Variants in LILRA4 observed in about 807,000 individuals in gnomAD.
The protein encoded by LILRA4 is leukocyte immunoglobulin like receptor A4, also known as leukocyte immunoglobulin-like receptor subfamily A member 4.
Under a neutral mutation model 49.5 loss-of-function variants are expected in LILRA4, and 51 were observed. The ratio of observed to expected loss-of-function variants is 1.03; its 90% CI spans 0.82 to 1.30. The LOEUF (loss-of-function observed/expected upper bound fraction) is 1.30. Among genes scored for constraint, LILRA4 ranks in the 50% most tolerant of loss-of-function variants. The pLI, the probability that LILRA4 is intolerant of heterozygous loss-of-function variation, is 0.00. For synonymous variants in LILRA4, 272 were observed against 265.6 expected, an observed-to-expected ratio of 1.02 and a Z score of -0.23; for missense variants, 624 against 625.6, an observed-to-expected ratio of 1.00 and a Z score of 0.03.
chr19:54,333,536 A>T lies in LILRA4; in HGVS notation c.*36T>A. 6 of 1,601,336 alleles carry T rather than the reference A, an allele frequency of 3.7e-6. No homozygotes were observed. Among genetic ancestry groups the T allele is most frequent in the Non-Finnish European group, 5.1e-6 (6 of 1,170,282 alleles). The stretch of plus-strand genomic sequence containing the variant: ...GATATTCTCAGCAGACACTTCCCCA[A>T]CTGCTGCCCCAGTCTTCCAGAACCT... On this transcript the variant is annotated 3_prime_UTR_variant, in exon 8 of 8. Transcript: ENST00000291759.
Position 54,333,648 on chromosome 19 carries a change from G to T in LILRA4, c.1424C>A (p.Pro475Gln). The part of the protein sequence containing the change: ...FEAQHSQRSP[P>Q]RCSQEANSRK... Reference sequence around the variant, plus strand: ...GCTGTTTGCCTCCTGGCTGCACCTTGGGGGGCTTCTCTGGCTGTGCTGAGC... The same window carrying T: ...GCTGTTTGCCTCCTGGCTGCACCTTTGGGGGCTTCTCTGGCTGTGCTGAGC... The change falls in exon 8 of 8, where the codon CCA (proline) becomes CAA (glutamine). Residue 475 changes from proline to glutamine, a missense_variant. Transcript: ENST00000291759. 5 of 1,614,068 alleles carry T rather than the reference G, an allele frequency of 3.1e-6. No individual in the cohort carries two copies. The highest frequency in any genetic ancestry group is 4.2e-6 in the Non-Finnish European group (5 of 1,180,000).
chr19:54,338,791 AC>A (rs1229179763), intron 2 of LILRA4, 74 bp downstream of exon 2: 2 of 1,603,670 alleles, frequency 1.2e-6, no homozygotes, highest in Non-Finnish European at 8.5e-7. Flanking sequence ...TGCTGTCTTC[AC>A]CCCCAGCTGC....
Position 54,338,259 on chromosome 19 carries a change from C to T in LILRA4, c.356-24G>A, listed in dbSNP as rs758203709. 8.1e-6 allele frequency: 13 copies of T among 1,597,798 alleles called. No individual in the cohort carries two copies. The East Asian group carries it at 1.1e-4, about 14-fold the overall frequency. On this transcript the variant is annotated intron_variant, in intron 3 of 7. Coordinates refer to ENST00000291759, the MANE Select transcript of LILRA4 (RefSeq NM_012276.5). The stretch of plus-strand genomic sequence containing the variant: ...GGCTTTCAAGAGAAAAAAAGGCAGC[C>T]GTGTTTAAATGGGGCTCACACCTCC...
chr19:54,336,979 C>G lies in LILRA4; in HGVS notation c.1117G>C (p.Ala373Pro). ...GGGAATTCAGCCTGGTACTTATGAG[C>G]TCCGTACATTGATCTCAGACGCAAC... is the stretch of plus-strand genomic sequence containing the variant. ...PPLRLRSMYG[A>P]HKYQAEFPMS... The change falls in exon 6 of 8, where the codon GCT becomes CCT. Residue 373 changes from alanine (A) to proline (P), a missense_variant. Physicochemically the swap from Ala to Pro is conservative, Grantham distance 27 (BLOSUM62 -1). Transcript: ENST00000291759. 7.1e-7 allele frequency: 1 copy of G among 1,403,198 alleles called. No homozygotes were observed. The highest frequency in any genetic ancestry group is 9.9e-7 in the Non-Finnish European group (1 of 1,008,224). 86.9% of individuals were successfully genotyped at this position (1,403,198 alleles called of 1,614,324 possible).
At chr19:54,337,337 G>T (rs987042007) in intron 5 of LILRA4, 63 bp downstream of exon 5, 37 of 1,587,054 alleles carry the variant, frequency 2.3e-5, no homozygotes, top group Non-Finnish European at 3.0e-5. Flanking sequence ...CACCACCTGG[G>T]CTCCCCCAGC....
Position 54,337,499 on chromosome 19 carries a change from C to T in LILRA4, c.853G>A (p.Val285Met). Reference protein sequence around the residue: ...LSQANFTLSPVSRSYGGQYRC... With the variant: ...LSQANFTLSPMSRSYGGQYRC... The stretch of plus-strand genomic sequence containing the variant: ...TACTGGCCCCCGTAGGAGCGGCTCA[C>T]AGGGCTCAGGGTGAAGTTGGCCTGG... Residue 285 changes from valine (V) to methionine (M), a missense_variant, in exon 5 of 8, where the codon GTG becomes ATG. By Grantham distance (21) the Val-to-Met change is conservative. Coordinates refer to ENST00000291759, the MANE Select transcript of LILRA4 (RefSeq NM_012276.5). 3 of 1,612,714 alleles carry T rather than the reference C, an allele frequency of 1.9e-6. No individual in the cohort carries two copies. Among genetic ancestry groups the T allele is most frequent in the East Asian group, 2.2e-5 (1 of 44,860 alleles).
chr19:54,333,872 C>A (rs2122174138), intron 7 of LILRA4, 43 bp downstream of exon 7: 1 of 1,611,740 alleles, frequency 6.2e-7, no homozygotes, highest in South Asian at 1.1e-5. Flanking sequence ...AGGACCTGAC[C>A]CTCTGTGCCC....
chr19:54,337,308 C>T (rs1391397605), intron 5 of LILRA4, 92 bp downstream of exon 5: 10 of 1,560,280 alleles, frequency 6.4e-6, no homozygotes, highest in Non-Finnish European at 7.8e-6. Flanking sequence ...TTAGGACCCC[C>T]ACCCCTCATC....
chr19:54,337,480 C>G lies in LILRA4; in HGVS notation c.872G>C (p.Gly291Ala). 6.2e-7 allele frequency: 1 copy of G among 1,612,178 alleles called. No individual in the cohort carries two copies. The highest frequency in any genetic ancestry group is 8.5e-7 in the Non-Finnish European group (1 of 1,179,778). The stretch of plus-strand genomic sequence containing the variant: ...GTGTGCGCCGTAGCATCTGTACTGG[C>G]CCCCGTAGGAGCGGCTCACAGGGCT... The part of the protein sequence containing the change: ...TLSPVSRSYG[G>A]QYRCYGAHNV... Residue 291 changes from glycine (G) to alanine (A), a missense_variant, in exon 5 of 8, where the codon GGC becomes GCC. Transcript: ENST00000291759.
Position 54,338,972 on chromosome 19 carries a change from C to T in LILRA4, c.35-71G>A, listed in dbSNP as rs140673590. On this transcript the variant is annotated intron_variant, in intron 1 of 7. Transcript: ENST00000291759. Reference sequence around the variant, plus strand: ...AGGTCTTCTTCTTTTCCTTGAGCCCCTGGGATGCCCTAATTGACTAAGGCA... The same window carrying T: ...AGGTCTTCTTCTTTTCCTTGAGCCCTTGGGATGCCCTAATTGACTAAGGCA... 1,079 of 1,612,950 alleles carry T rather than the reference C, an allele frequency of 6.7e-4. 4 individuals are homozygous for T. In the African/African-American group the frequency reaches 0.01, roughly 15 times the overall value.
intron 5 of LILRA4, 67 bp downstream of exon 5, chr19:54,337,333 C>T: frequency 6.3e-7 from 1 of 1,586,136 alleles, no homozygotes; most frequent in East Asian, 2.2e-5. Flanking sequence ...CCATCACCAC[C>T]TGGGCTCCCC....
intron 6 of LILRA4, chr19:54,335,223 G>A (rs187970686): frequency 8.5e-4 from 130 of 152,192 alleles, no homozygotes; most frequent in African/African-American, 3.1e-3. Flanking sequence ...AATGTTGGAG[G>A]AGAGGCCCAG....
intron 6 of LILRA4, 100 bp from the exon 7 acceptor site, chr19:54,334,065 G>A (rs565532857): frequency 4.8e-4 from 473 of 985,384 alleles, no homozygotes; most frequent in East Asian, 6.3e-4. Flanking sequence ...GTGACTTTAT[G>A]TAGATCCTTA....
chr19:54,338,127 A>G lies in LILRA4; in HGVS notation c.464T>C (p.Ile155Thr), dbSNP rs2081352411. ...SRLGLGRFTL[I>T]EEGDHRLSWT... ...GGAGAGCCTGTGGTCTCCTTCCTCA[A>G]TCAGAGTGAACCTGCCCAGTCCCAG... Residue 155 changes from isoleucine (I) to threonine (T), a missense_variant, in exon 4 of 8, where the codon ATT becomes ACT. Ile to Thr is a moderately conservative substitution (Grantham distance 89, BLOSUM62 -1). Transcript: ENST00000291759. 2.5e-6 allele frequency: 4 copies of G among 1,613,904 alleles called. No individual in the cohort carries two copies. Among genetic ancestry groups the G allele is most frequent in the Admixed American group, 3.3e-5 (2 of 60,000 alleles).
intron 6 of LILRA4, chr19:54,334,305 T>G: frequency 2.9e-5 from 7 of 239,600 alleles, no homozygotes; most frequent in Non-Finnish European, 5.6e-5. Flanking sequence ...CAACAACTAA[T>G]TCCCCCAGAG....
At chr19:54,334,210 A>T in intron 6 of LILRA4, 1 of 516,524 alleles carries the variant, frequency 1.9e-6, no homozygotes, top group Admixed American at 3.4e-5. Flanking sequence ...GGAGCTCAGG[A>T]TTAGTAAGAA....
In LILRA4 at chr19:54,333,755, G is replaced by A. The variant is rs781090722; in HGVS notation, c.1317C>T (p.Leu439=). The A allele has an allele frequency of 6.2e-7, 1 of 1,614,016 alleles. No homozygotes were observed. Among genetic ancestry groups the A allele is most frequent in the Non-Finnish European group, 8.5e-7 (1 of 1,180,032 alleles). ...KKSDSKTAPH[L]QDYTVENLIR... ...TGAGATTCTCCACTGTGTAATCCTG[G>A]AGGTGTGGGGCTAGGGATGGTGGAC... Residue 439 remains leucine, a synonymous_variant, in exon 8 of 8, where the codon CTC becomes CTT. Transcript: ENST00000291759.
Position 54,337,655 on chromosome 19 carries a change from C to G in LILRA4, c.697G>C (p.Val233Leu). 6.2e-7 allele frequency: 1 copy of G among 1,613,304 alleles called. No individual in the cohort carries two copies. Among genetic ancestry groups the G allele is most frequent in the Non-Finnish European group, 8.5e-7 (1 of 1,179,776 alleles). The change falls in exon 5 of 8, where the codon GTC (valine) becomes CTC (leucine). Residue 233 changes from valine (V) to leucine (L), a missense_variant. Val to Leu is a conservative substitution (Grantham distance 32). Coordinates refer to ENST00000291759, the MANE Select transcript of LILRA4 (RefSeq NM_012276.5). The stretch of plus-strand genomic sequence containing the variant: ...GTCAGATTCTCTCCGGGGGTCACGA[C>G]AGGGCCCTGCAGGGTCAGGAGGGAG... ...KPSLLTLQGP[V>L]VTPGENLTLQ...
intron 1 of LILRA4, 28 bp downstream of exon 1, chr19:54,339,032 G>GTCTC (rs2081363228): frequency 6.2e-7 from 1 of 1,613,802 alleles, no homozygotes; most frequent in African/African-American, 1.3e-5. Context: ...CTAGACTAGG[G>GTCTC]TCTCTCCTCC....
Sources: gnomAD v4.1 joint callset for allele counts on GRCh38, gnomAD v4.1.1 for gene constraint, MANE v1.5 for transcripts, NCBI Gene and HGNC (gene_info 2026-07-23, HGNC 2026-07-21) for gene names.